Variants in COMMD1 observed in about 807,000 individuals in gnomAD.
COMMD1 encodes the protein copper metabolism domain containing 1.
A neutral mutation model predicts 17.2 loss-of-function variants in COMMD1; 10 were observed. The observed-to-expected ratio is 0.58, with a 90% CI of 0.36 to 0.99. The LOEUF is 0.99. Ranked by LOEUF, COMMD1 falls within the 50% of genes least tolerant of loss-of-function variation. COMMD1 has a pLI of 0.01. For synonymous variants in COMMD1, 97 were observed against 91.6 expected, an observed-to-expected ratio of 1.06 and a Z score of -0.34; for missense variants, 270 against 231.8, an observed-to-expected ratio of 1.17 and a Z score of -1.07.
chr2:61,891,992 C>A (rs186105446), intron 1 of COMMD1, among the ~76,000 whole-genome samples: 47 of 151,298 alleles, frequency 3.1e-4, no homozygotes, highest in African/African-American at 1.1e-3. Flanking sequence ...CCACCAAGCC[C>A]GGCTAGTTTT....
chr2:62,055,445 T>C, intron 2 of COMMD1: 1 of 456,104 alleles, frequency 2.2e-6, no homozygotes, highest in Non-Finnish European at 4.4e-6. Flanking sequence ...TACAGGTTCA[T>C]TGCAACCAGT....
intron 2 of COMMD1, among the ~76,000 whole-genome samples, chr2:62,076,809 GACAA>G (rs760727720): frequency 2.2e-4 from 34 of 152,234 alleles, no homozygotes; most frequent in African/African-American, 7.7e-4. Context: ...CATATACCAA[GACAA>G]ACAAGTGGCT....
At position 62,001,139 on chromosome 2, in the gene COMMD1, A is replaced by C. The variant is rs879584214; in HGVS notation, c.462+157A>C. 3.9e-5 allele frequency: 30 copies of C among 760,158 alleles called. No individual in the cohort carries two copies. In the Admixed American group the frequency reaches 6.0e-4, roughly 15 times the overall value. The allele number at this position is 760,158 out of a possible 1,614,324, so 47.1% of individuals were successfully genotyped here. On this transcript the variant is annotated intron_variant, in intron 2 of 2. Coordinates refer to ENST00000311832, the MANE Select transcript of COMMD1 (RefSeq NM_152516.4). ...GGTAGAATCATCTGAAAATTTGGAT[A>C]CTCTCACTTGTGGACAGAGTCTGGA...
chr2:61,892,178 A>C (rs1163611434), intron 1 of COMMD1, among the ~76,000 whole-genome samples: 3 of 151,932 alleles, frequency 2.0e-5, no homozygotes, highest in South Asian at 2.1e-4. Flanking sequence ...ACAAAACCAA[A>C]CAAACAAAAA....
At chr2:62,052,171 C>T (rs573218571) in intron 2 of COMMD1, among the ~76,000 whole-genome samples, 14 of 152,100 alleles carry the variant, frequency 9.2e-5, no homozygotes, top group Non-Finnish European at 1.8e-4. Context: ...TAGAAATTGG[C>T]CCAGCACGGT....
intron 2 of COMMD1, among the ~76,000 whole-genome samples, chr2:62,056,506 A>T (rs1446300675): frequency 6.6e-6 from 1 of 152,234 alleles, no homozygotes; most frequent in Non-Finnish European, 1.5e-5. Context: ...CAGCGAACTC[A>T]ATCTGTCACT....
chr2:62,127,031 C>G (rs1275784147), intron 2 of COMMD1, among the ~76,000 whole-genome samples: 1 of 152,154 alleles, frequency 6.6e-6, no homozygotes, highest in East Asian at 1.9e-4. Flanking sequence ...AGCAAAGTCT[C>G]AGGATACAAA....
chr2:62,133,346 G>A (rs923196947), intron 2 of COMMD1, among the ~76,000 whole-genome samples: 1 of 152,130 alleles, frequency 6.6e-6, no homozygotes, highest in African/African-American at 2.4e-5. Context: ...GAAGAAGCTT[G>A]TTGGCCTGCC....
At chr2:61,931,315 AAAAT>A (rs1045654416) in intron 1 of COMMD1, among the ~76,000 whole-genome samples, 6 of 152,184 alleles carry the variant, frequency 3.9e-5, no homozygotes, top group African/African-American at 1.4e-4. Flanking sequence ...TTGTCTCAAA[AAAAT>A]AAATAAAAAT....
At chr2:61,889,501 G>A (rs1159564014) in intron 1 of COMMD1, among the ~76,000 whole-genome samples, 1 of 152,048 alleles carries the variant, frequency 6.6e-6, no homozygotes, top group Non-Finnish European at 1.5e-5. Flanking sequence ...GTGAGCCACC[G>A]CGCCCACCCG....
intron 1 of COMMD1, among the ~76,000 whole-genome samples, chr2:61,926,707 C>T (rs999384161): frequency 5.3e-5 from 8 of 152,146 alleles, no homozygotes; most frequent in African/African-American, 1.2e-4. Flanking sequence ...CCTCTTTTCT[C>T]ATGTAAAATA....
At chr2:62,079,816 T>A (rs1671467199) in intron 2 of COMMD1, 3 of 152,170 alleles carry the variant, frequency 2.0e-5, no homozygotes, top group African/African-American at 7.2e-5. Context: ...CTGGTGTCTG[T>A]CAGATGTCAA....
At chr2:62,056,153 ATGTGAGTCTATGTACTG>A (rs535656552) in intron 2 of COMMD1, among the ~76,000 whole-genome samples, 11 of 152,332 alleles carry the variant, frequency 7.2e-5, no homozygotes, top group Non-Finnish European at 1.6e-4. Flanking sequence ...TTGCTTCTGA[ATGTGAGTCTATGTACTG>A]TGTCATCCAT....
chr2:62,021,413 A>G (rs1469812956), intron 2 of COMMD1, among the ~76,000 whole-genome samples: 1 of 152,148 alleles, frequency 6.6e-6, no homozygotes, highest in Non-Finnish European at 1.5e-5. Context: ...GAGATTGAGG[A>G]GCAGAAGGAA....
intron 2 of COMMD1, among the ~76,000 whole-genome samples, chr2:62,085,963 G>A (rs1573165476): frequency 6.6e-6 from 1 of 151,840 alleles, no homozygotes; most frequent in Non-Finnish European, 1.5e-5. Context: ...GGGCGACAGA[G>A]CAAGACTCTG....
intron 1 of COMMD1, chr2:61,915,749 A>C (rs1353406981): frequency 4.4e-6 from 2 of 450,370 alleles, no homozygotes; most frequent in South Asian, 3.1e-5. Flanking sequence ...CTCTCTCTTT[A>C]GCCTCCCAAT....
At chr2:61,950,763 T>C (rs980340919) in intron 1 of COMMD1, among the ~76,000 whole-genome samples, 1 of 152,194 alleles carries the variant, frequency 6.6e-6, no homozygotes, top group African/African-American at 2.4e-5. Context: ...GGGCAGCATA[T>C]ACAGCGTGGA....
chr2:62,013,196 A>G (rs1226970937), intron 2 of COMMD1, among the ~76,000 whole-genome samples: 1 of 152,158 alleles, frequency 6.6e-6, no homozygotes, highest in Middle Eastern at 3.2e-3. Context: ...TCTGCACATT[A>G]AAAGCAATTC....
intron 1 of COMMD1, among the ~76,000 whole-genome samples, chr2:61,961,986 AT>A (rs1351237120): frequency 1.3e-5 from 2 of 151,928 alleles, no homozygotes; most frequent in African/African-American, 2.4e-5. Context: ...GTAAATTTCT[AT>A]TTTTTTCTAT....
Sources: allele counts gnomAD v4.1 joint callset (sites outside exome capture counted in the v4.1 genomes callset), GRCh38; gene constraint gnomAD v4.1.1; transcripts MANE v1.5; gene names NCBI Gene and HGNC (gene_info 2026-07-23, HGNC 2026-07-21).